Variants in XKR3 observed in about 807,000 individuals in gnomAD.
The protein encoded by XKR3 is XK related 3, also known as XK-related protein 3.
In XKR3, 27 loss-of-function variants were observed where a neutral mutation model predicts 40.3. The observed-to-expected ratio is 0.67, with a 90% CI of 0.49 to 0.92. XKR3 has a LOEUF of 0.92. XKR3 is among the 40% of genes least tolerant of loss of function. XKR3 has a pLI of 0.00. For missense variants in XKR3, 472 were observed against 537.6 expected (o/e 0.88, Z 1.21); for synonymous variants, 193 against 195.4 (o/e 0.99, Z 0.10).
At chr22:16,797,654 A>C (rs918805922) in intron 3 of XKR3, among the ~76,000 whole-genome samples, 3 of 151,832 alleles carry the variant, frequency 2.0e-5, no homozygotes. Flanking sequence ...TTAGCTGGGC[A>C]TGGTGGTGGG....
chr22:16,785,802 A>C (rs1460822602), intron 3 of XKR3, among the ~76,000 whole-genome samples: 2 of 151,492 alleles, frequency 1.3e-5, no homozygotes, highest in African/African-American at 4.9e-5. Flanking sequence ...GAACCAGGAT[A>C]GCGCCACTGG....
chr22:16,799,201 C>A (rs2060155619), intron 3 of XKR3, among the ~76,000 whole-genome samples: 1 of 151,650 alleles, frequency 6.6e-6, no homozygotes, highest in East Asian at 1.9e-4. Flanking sequence ...ATCACGAGGT[C>A]AGGAGATCGA....
intron 1 of XKR3, among the ~76,000 whole-genome samples, chr22:16,809,374 A>T (rs2060203558): frequency 6.6e-6 from 1 of 151,844 alleles, no homozygotes; most frequent in South Asian, 2.1e-4. Context: ...CGGTGCTCTG[A>T]TTTCCTTATC....
chr22:16,802,340 T>C (rs989963077), intron 2 of XKR3, among the ~76,000 whole-genome samples: 1 of 152,180 alleles, frequency 6.6e-6, no homozygotes, highest in African/African-American at 2.4e-5. Flanking sequence ...GAAAAATTTA[T>C]AGATACTTGA....
intron 3 of XKR3, among the ~76,000 whole-genome samples, chr22:16,789,448 TTA>T (rs1280030636): frequency 2.6e-5 from 4 of 152,096 alleles, no homozygotes; most frequent in African/African-American, 9.7e-5. Context: ...CAAAAAACCT[TTA>T]GAGTAAATTT....
chr22:16,783,994 A>C lies in XKR3; in HGVS notation c.1005T>G (p.Ile335Met). The C allele has an allele frequency of 6.2e-7, 1 of 1,614,232 alleles. No homozygotes were observed. Among genetic ancestry groups the C allele is most frequent in the Non-Finnish European group, 8.5e-7 (1 of 1,180,048 alleles). The change falls in exon 4 of 4, where the codon ATT (isoleucine) becomes ATG (methionine). Residue 335 changes from isoleucine (I) to methionine (M), a missense_variant. Transcript: ENST00000684488. ...VKLQLSDDKIIDGRQRWGHRI... is the reference protein window; with the variant it reads ...VKLQLSDDKIMDGRQRWGHRI... The stretch of plus-strand genomic sequence containing the variant: ...TATGGCCCCACCTCTGTCTCCCGTC[A>C]ATTATTTTGTCATCTGACAACTGCA...
At chr22:16,804,917 C>G (rs1372859658) in intron 2 of XKR3, among the ~76,000 whole-genome samples, 1 of 152,164 alleles carries the variant, frequency 6.6e-6, no homozygotes, top group African/African-American at 2.4e-5. Flanking sequence ...TATCATAGCC[C>G]ACGGTCACTC....
chr22:16,800,107 A>T lies in XKR3; in HGVS notation c.336-83T>A, dbSNP rs573730635. The T allele has an allele frequency of 9.9e-5, 147 of 1,485,860 alleles. No homozygotes were observed. In the African/African-American group the frequency reaches 1.8e-3, roughly 18 times the overall value. 92.0% of individuals were successfully genotyped at this position (1,485,860 alleles called of 1,614,324 possible). On this transcript the variant is annotated intron_variant, in intron 2 of 3. Transcript: ENST00000684488. ...TATTTGAAAGTTTATCAGGAGAGGA[A>T]CTCTTAATTTTGAAATTATACTATC...
At chr22:16,787,564 TAA>T (rs58712714) in intron 3 of XKR3, among the ~76,000 whole-genome samples, 184 of 142,294 alleles carry the variant, frequency 1.3e-3, no homozygotes, top group South Asian at 1.8e-3. Context: ...CGTCTCAAAT[TAA>T]AAAAAAAAAA....
At position 16,783,923 on chromosome 22, in the gene XKR3, A is replaced by G. The variant is rs2060077205; in HGVS notation, c.1076T>C (p.Ile359Thr). Residue 359 changes from isoleucine (I) to threonine (T), a missense_variant, in exon 4 of 4, where the codon ATA becomes ACA. Ile to Thr is a moderately conservative substitution (Grantham distance 89). Transcript: ENST00000684488. ...CCCTCCAAAGAACCTAAATACCAAT[A>G]TCATTATCACATTTTCTAAAAACTG... is the stretch of plus-strand genomic sequence containing the variant. ...SFQFLENVIM[I>T]LVFRFFGGKT... 6.2e-7 allele frequency: 1 copy of G among 1,614,218 alleles called. No individual in the cohort carries two copies. The highest frequency in any genetic ancestry group is 1.1e-5 in the South Asian group (1 of 91,082).
At chr22:16,806,469 GTTTTTT>G (rs35013347) in intron 2 of XKR3, among the ~76,000 whole-genome samples, 1 of 129,376 alleles carries the variant, frequency 7.7e-6, no homozygotes, top group Non-Finnish European at 1.6e-5. Context: ...TATAGTTAAG[GTTTTTT>G]TTTTTTTTTT....
In XKR3 at chr22:16,812,519, A is replaced by T. The variant is rs1164203162; in HGVS notation, c.-10-4436T>A. Reference sequence around the variant, plus strand: ...GTGAAACCCCGTCTGTACTAAAAATAAAAAAATTAGCTGGGCATGGTAATG... The same window carrying T: ...GTGAAACCCCGTCTGTACTAAAAATTAAAAAATTAGCTGGGCATGGTAATG... On this transcript the variant is annotated intron_variant, in intron 1 of 3. Coordinates refer to ENST00000684488, the MANE Select transcript of XKR3 (RefSeq NM_001386955.1). Among the ~76,000 whole-genome samples the T allele has an allele frequency of 2.6e-5, 4 of 151,996 alleles. No individual in the cohort carries two copies. In the East Asian group the frequency reaches 5.8e-4, roughly 22 times the overall value.
chr22:16,824,582 G>A (rs772018201), intron 1 of XKR3, among the ~76,000 whole-genome samples: 55 of 152,076 alleles, frequency 3.6e-4, no homozygotes, highest in Non-Finnish European at 7.1e-4. Context: ...GGGTATAAAG[G>A]AAAGCATGGA....
intron 1 of XKR3, chr22:16,821,704 T>G (rs2060256829): frequency 6.6e-6 from 1 of 152,110 alleles, no homozygotes; most frequent in South Asian, 2.1e-4. Flanking sequence ...CAAAAGATTT[T>G]GTTACAAGAA....
chr22:16,819,902 C>T (rs551974103), intron 1 of XKR3, among the ~76,000 whole-genome samples: 1 of 152,038 alleles, frequency 6.6e-6, no homozygotes, highest in Admixed American at 6.6e-5. Flanking sequence ...AGCTAATGAA[C>T]AAAGGGTACA....
rs954211130 is a variant in XKR3, at chr22:16,799,694, C to T, written c.589+77G>A. ...AACTGTAATTTGGGATTACATATTTCAACTTCTCAATTTCTATTATATTAG... is the reference window on the plus strand; with the variant it reads ...AACTGTAATTTGGGATTACATATTTTAACTTCTCAATTTCTATTATATTAG... On this transcript the variant is annotated intron_variant, in intron 3 of 3. Transcript: ENST00000684488. 8.8e-6 allele frequency: 13 copies of T among 1,485,690 alleles called. No homozygotes were observed. In the African/African-American group the frequency reaches 1.7e-4, roughly 19 times the overall value. The allele number at this position is 1,485,690 out of a possible 1,614,324, so 92.0% of individuals were successfully genotyped here.
chr22:16,784,040 GAGA>G lies in XKR3; in HGVS notation c.956_958del (p.Phe319del). On this transcript the variant is annotated inframe_deletion, in exon 4 of 4. Coordinates refer to ENST00000684488, the MANE Select transcript of XKR3 (RefSeq NM_001386955.1). Reference sequence around the variant, plus strand: ...CTGCAGTTTCACTGCTGACCAGCAGGAGAAGTTGATGGCAGCATATAGCAGTGT... The same window carrying G: ...CTGCAGTTTCACTGCTGACCAGCAGGAGTTGATGGCAGCATATAGCAGTGT... 6.2e-7 allele frequency: 1 copy of G among 1,614,222 alleles called. No individual in the cohort carries two copies. The highest frequency in any genetic ancestry group is 1.3e-5 in the African/African-American group (1 of 75,054).
intron 2 of XKR3, among the ~76,000 whole-genome samples, chr22:16,805,257 T>A (rs2385715): frequency 0.57 from 87,257 of 152,056 alleles, 25,470 homozygotes; most frequent in African/African-American, 0.66. Context: ...AACATCTGTA[T>A]GCAAAAATGA....
chr22:16,791,051 T>G (rs1443644921), intron 3 of XKR3, among the ~76,000 whole-genome samples: 1 of 152,194 alleles, frequency 6.6e-6, no homozygotes, highest in Non-Finnish European at 1.5e-5. Context: ...CTTTTGAGAA[T>G]GTATCAAAAG....
Sources: allele counts gnomAD v4.1 joint callset (sites outside exome capture counted in the v4.1 genomes callset), GRCh38; gene constraint gnomAD v4.1.1; transcripts MANE v1.5; gene names NCBI Gene and HGNC (gene_info 2026-07-23, HGNC 2026-07-21).